TTC39B: variants seen among roughly 807,000 people sequenced by gnomAD.
TTC39B encodes tetratricopeptide repeat domain 39B.
In TTC39B, 92 loss-of-function variants were observed where a neutral mutation model predicts 96.6. The ratio of observed to expected loss-of-function variants is 0.95; its 90% CI spans 0.80 to 1.13. The LOEUF (loss-of-function observed/expected upper bound fraction) is 1.13, where lower values mean the gene tolerates loss of function less well. Among genes scored for constraint, TTC39B ranks in the 50% most tolerant of loss-of-function variants. The pLI, the probability that TTC39B is intolerant of heterozygous loss-of-function variation, is 0.00. For missense variants in TTC39B, 955 were observed against 809.3 expected (o/e 1.18, Z -2.18); for synonymous variants, 367 against 299.4 (o/e 1.23, Z -2.33).
intron 1 of TTC39B, among the ~76,000 whole-genome samples, chr9:15,291,792 A>G (rs1824198737): frequency 6.6e-6 from 1 of 152,152 alleles, no homozygotes; most frequent in Non-Finnish European, 1.5e-5. Flanking sequence ...TGAATTTCAG[A>G]TTTGTGGTAT....
intron 3 of TTC39B, 44 bp from the exon 4 acceptor site, chr9:15,214,293 G>A (rs775543412): frequency 1.7e-5 from 24 of 1,443,282 alleles, no homozygotes; most frequent in Non-Finnish European, 1.8e-5. Flanking sequence ...ATAGCTTTAC[G>A]ATCAGCAAGT....
chr9:15,167,996 G>A (rs1278041113), exon 20 of TTC39B: 1 of 152,060 alleles, frequency 6.6e-6, no homozygotes, highest in Non-Finnish European at 1.5e-5. Context: ...AAAGTTTAAG[G>A]GCACTTTAAA....
chr9:15,298,971 C>G (rs1011568329), intron 1 of TTC39B, among the ~76,000 whole-genome samples: 1 of 152,130 alleles, frequency 6.6e-6, no homozygotes, highest in Admixed American at 6.5e-5. Context: ...CTCAGAATGT[C>G]TAAGAAATGG....
chr9:15,231,951 G>A (rs1041038842), intron 2 of TTC39B, among the ~76,000 whole-genome samples: 1 of 152,060 alleles, frequency 6.6e-6, no homozygotes, highest in African/African-American at 2.4e-5. Flanking sequence ...AAATCCTGCA[G>A]AGACCTTGGC....
At chr9:15,280,250 G>C (rs1156881416) in intron 1 of TTC39B, among the ~76,000 whole-genome samples, 1 of 152,126 alleles carries the variant, frequency 6.6e-6, no homozygotes, top group African/African-American at 2.4e-5. Context: ...TTGACATATT[G>C]TCTAAGGCTG....
At chr9:15,188,451 G>C (rs1374186824) in intron 13 of TTC39B, among the ~76,000 whole-genome samples, 1 of 152,144 alleles carries the variant, frequency 6.6e-6, no homozygotes, top group African/African-American at 2.4e-5. Flanking sequence ...AAACACTGTA[G>C]GCAGAGTTAC....
At chr9:15,294,880 C>T (rs1824315838) in intron 1 of TTC39B, among the ~76,000 whole-genome samples, 1 of 152,160 alleles carries the variant, frequency 6.6e-6, no homozygotes, top group African/African-American at 2.4e-5. Context: ...CCTCCCTGAA[C>T]CCTCACAACA....
intron 2 of TTC39B, 144 bp downstream of exon 2, chr9:15,267,770 C>T (rs1823189334): frequency 1.6e-6 from 1 of 634,326 alleles, no homozygotes; most frequent in African/African-American, 1.9e-5. Flanking sequence ...ATCACATCCT[C>T]TTTAATTATA....
chr9:15,183,321 GTTCAA>G (rs1818342069), intron 16 of TTC39B: 1 of 429,288 alleles, frequency 2.3e-6, no homozygotes, highest in South Asian at 1.7e-5. Context: ...TAGAGCAAGA[GTTCAA>G]TTCAATAACA....
intron 2 of TTC39B, chr9:15,249,779 C>G: frequency 1.6e-6 from 1 of 619,500 alleles, no homozygotes; most frequent in Non-Finnish European, 2.2e-6. Flanking sequence ...TGTCATCTAA[C>G]AAAAACTGCA....
At chr9:15,233,697 G>A (rs535380335) in intron 2 of TTC39B, among the ~76,000 whole-genome samples, 6 of 152,172 alleles carry the variant, frequency 3.9e-5, no homozygotes, top group African/African-American at 4.8e-5. Flanking sequence ...GCGTGATCTC[G>A]GCTCGCTACA....
At chr9:15,288,054 C>G (rs1275510486) in intron 1 of TTC39B, among the ~76,000 whole-genome samples, 3 of 151,998 alleles carry the variant, frequency 2.0e-5, no homozygotes, top group African/African-American at 7.3e-5. Flanking sequence ...CTTATGGAAC[C>G]CGACACCTTA....
Position 15,210,124 on chromosome 9 carries a change from G to A in TTC39B, c.655C>T (p.Leu219Phe), listed in dbSNP as rs754810394. Residue 219 changes from leucine (L) to phenylalanine (F), a missense_variant, in exon 6 of 20, where the codon CTT becomes TTT. Coordinates refer to ENST00000512701, the Ensembl canonical transcript of TTC39B. The stretch of plus-strand genomic sequence containing the variant: ...TGCTCCAGGGATCCTCTAGAAAGAA[G>A]ACTTGAGAAAGATTCTACAACTGTG... 3.1e-6 allele frequency: 5 copies of A among 1,606,634 alleles called. No homozygotes were observed. The East Asian group carries it at 9.0e-5, about 29-fold the overall frequency.
Position 15,306,967 on chromosome 9 carries a change from C to G in TTC39B, c.240+117G>C. 6.8e-7 allele frequency: 1 copy of G among 1,467,300 alleles called. No individual in the cohort carries two copies. Among genetic ancestry groups the G allele is most frequent in the South Asian group, 1.3e-5 (1 of 77,132 alleles). 90.9% of individuals were successfully genotyped at this position (1,467,300 alleles called of 1,614,324 possible). ...CCCCACCCGGCGCCCGCCAGCCCAC[C>G]CCAGAGAGGGGACCAAGGGGGCGGG... On this transcript the variant is annotated intron_variant, in intron 1 of 19. Transcript: ENST00000512701. This position sits in a 1 kb window ranked among gnomAD's most constrained non-coding sequence, Gnocchi z 5.1.
intron 2 of TTC39B, among the ~76,000 whole-genome samples, chr9:15,242,582 CAAAA>C (rs1175440456): frequency 1.3e-5 from 2 of 151,594 alleles, no homozygotes; most frequent in Non-Finnish European, 2.9e-5. Flanking sequence ...GACCCTATCT[CAAAA>C]AGAAAGAAAG....
chr9:15,202,315 T>G (rs893346920), intron 7 of TTC39B, among the ~76,000 whole-genome samples: 1 of 152,174 alleles, frequency 6.6e-6, no homozygotes, highest in Non-Finnish European at 1.5e-5. Context: ...TGTCTGGGTT[T>G]TAGGAAACAG....
rs763981072 is a variant in TTC39B at position 15,210,079 on chromosome 9, G to T, written c.691+9C>A. On this transcript the variant is annotated intron_variant, in intron 6 of 19. Transcript: ENST00000512701. ...CAAGGAAAAAAGTGATCTTTTAAATGACTTTTACCTTCACTCAGTTGCTCC... is the reference window on the plus strand; with the variant it reads ...CAAGGAAAAAAGTGATCTTTTAAATTACTTTTACCTTCACTCAGTTGCTCC... 4 of 1,577,728 alleles carry T rather than the reference G, an allele frequency of 2.5e-6. No homozygotes were observed. The highest frequency in any genetic ancestry group is 4.5e-5 in the East Asian group (2 of 44,534).
At chr9:15,216,017 G>T (rs1820496331) in intron 3 of TTC39B, among the ~76,000 whole-genome samples, 1 of 152,126 alleles carries the variant, frequency 6.6e-6, no homozygotes, top group Admixed American at 6.5e-5. Context: ...GCACGAATAG[G>T]TTATGAAGGC....
chr9:15,197,531 T>G (rs1187944128), intron 8 of TTC39B, among the ~76,000 whole-genome samples: 2 of 152,104 alleles, frequency 1.3e-5, no homozygotes, highest in Non-Finnish European at 2.9e-5. Flanking sequence ...CTATTACAAA[T>G]TGTGGAAAAA....
Sources: gnomAD v4.1 joint callset for allele counts (sites outside exome capture counted in the v4.1 genomes callset) on GRCh38, gnomAD v4.1.1 for gene constraint, Gnocchi (gnomAD v3.1) non-coding constraint, MANE v1.5 for transcripts, NCBI Gene and HGNC (gene_info 2026-07-23, HGNC 2026-07-21) for gene names.